Variants in RBFOX1 observed in about 807,000 individuals in gnomAD.
The protein encoded by RBFOX1 is RNA binding protein fox-1 homolog 1.
RBFOX1 carries 8 observed loss-of-function variants against 57.7 expected under a neutral mutation model. That is an observed-to-expected ratio of 0.14 (90% CI 0.08 to 0.25). The LOEUF is 0.25. Among genes scored for constraint, RBFOX1 ranks in the 10% least tolerant of loss-of-function variants. RBFOX1 has a pLI of 1.00. For synonymous variants in RBFOX1, 326 were observed against 222.4 expected (o/e 1.47, Z -4.15); for missense variants, 611 against 548.5 (o/e 1.11, Z -1.14).
At chr16:5,990,061 C>T (rs58426835) in intron 4 of RBFOX1, among the ~76,000 whole-genome samples, 1 of 152,114 alleles carries the variant, frequency 6.6e-6, no homozygotes, top group Non-Finnish European at 1.5e-5. Flanking sequence ...TCATGGTTCA[C>T]TGCAGCCTCA....
At chr16:6,471,942 TC>T (rs949916474) in intron 2 of RBFOX1, among the ~76,000 whole-genome samples, 6 of 152,036 alleles carry the variant, frequency 3.9e-5, no homozygotes, top group East Asian at 1.9e-4. Flanking sequence ...GGCAACAACT[TC>T]CCCCGTCTCT....
At chr16:6,078,280 G>A (rs1322885946) in intron 1 of RBFOX1, among the ~76,000 whole-genome samples, 2 of 152,152 alleles carry the variant, frequency 1.3e-5, no homozygotes, top group Non-Finnish European at 2.9e-5. Flanking sequence ...TGTTGGTTAA[G>A]AGCAAGCCTC....
intron 3 of RBFOX1, among the ~76,000 whole-genome samples, chr16:6,851,131 C>T (rs998168320): frequency 1.3e-5 from 2 of 152,120 alleles, no homozygotes; most frequent in Non-Finnish European, 2.9e-5. Context: ...GGAAAAAAAG[C>T]CCATTTCTAA....
chr16:7,533,559 C>A (rs11646608), intron 5 of RBFOX1, among the ~76,000 whole-genome samples: 6,200 of 152,286 alleles, frequency 0.041, 188 homozygotes, highest in East Asian at 0.12. Context: ...CTTAGCCTAG[C>A]ACAACTTAAA....
intron 3 of RBFOX1, among the ~76,000 whole-genome samples, chr16:5,856,412 C>T (rs1214736590): frequency 1.5e-5 from 2 of 136,254 alleles, no homozygotes; most frequent in Non-Finnish European, 3.1e-5. Context: ...TCAGAAATAT[C>T]AAGTATATAG....
At chr16:6,324,426 G>A (rs2082146595) in intron 2 of RBFOX1, among the ~76,000 whole-genome samples, 1 of 152,126 alleles carries the variant, frequency 6.6e-6, no homozygotes, top group Admixed American at 6.5e-5. Context: ...GTATGATGCT[G>A]GCATCTGCTC....
intron 2 of RBFOX1, among the ~76,000 whole-genome samples, chr16:6,584,499 C>T (rs1013653103): frequency 6.6e-6 from 1 of 151,800 alleles, no homozygotes; most frequent in Non-Finnish European, 1.5e-5. Context: ...TCCCAAGTTG[C>T]TGGGATTACT....
rs547567695 is a variant in RBFOX1 at position 6,066,966 on chromosome 16, C to T, written c.-127+46974C>T. Among the ~76,000 whole-genome samples the T allele has an allele frequency of 8.7e-4, 132 of 151,022 alleles. 1 individual carries two copies. Among genetic ancestry groups the T allele is most frequent in the African/African-American group, 3.1e-3 (126 of 41,126 alleles). ...AGCCTTGGTCTCCCAGAGTAGGGGG[C>T]GGGGGAGGGCGGCAGGGAGAAAGGG... On this transcript the variant is annotated intron_variant, in intron 1 of 15. Transcript: ENST00000550418.
Position 6,864,785 on chromosome 16 carries a change from T to A in RBFOX1, c.-15-187272T>A, listed in dbSNP as rs116052526. ...AAGTGTCTTTTTCCTCTAATGTGGG[T>A]TTAAAAACAATAAGGAGAGACATAT... is the stretch of plus-strand genomic sequence containing the variant. On this transcript the variant is annotated intron_variant, in intron 3 of 15. Coordinates refer to ENST00000550418, the MANE Select transcript of RBFOX1 (RefSeq NM_018723.4). Among the ~76,000 whole-genome samples, 885 of 152,110 alleles carry A rather than the reference T, an allele frequency of 5.8e-3. 14 individuals carry two copies. Among genetic ancestry groups the A allele is most frequent in the African/African-American group, 0.02 (837 of 41,514 alleles).
At chr16:7,065,811 A>G (rs1327276259) in intron 4 of RBFOX1, among the ~76,000 whole-genome samples, 1 of 152,144 alleles carries the variant, frequency 6.6e-6, no homozygotes, top group African/African-American at 2.4e-5. Flanking sequence ...TAAATCCTCC[A>G]GCCTCCAAGC....
chr16:7,331,484 A>G (rs966196275), intron 4 of RBFOX1, among the ~76,000 whole-genome samples: 3 of 152,220 alleles, frequency 2.0e-5, no homozygotes, highest in Non-Finnish European at 4.4e-5. Context: ...AGATTAGAAG[A>G]CTGACAATTT....
chr16:6,888,487 T>A (rs1465229679), intron 3 of RBFOX1, among the ~76,000 whole-genome samples: 4 of 152,210 alleles, frequency 2.6e-5, no homozygotes, highest in African/African-American at 9.7e-5. Context: ...AGGGGGAAAT[T>A]AAATTCCCTT....
At chr16:6,368,067 T>C (rs2089921909) in intron 2 of RBFOX1, among the ~76,000 whole-genome samples, 1 of 152,210 alleles carries the variant, frequency 6.6e-6, no homozygotes, top group Non-Finnish European at 1.5e-5. Flanking sequence ...TCACACAGGC[T>C]CTCTGAAGTT....
chr16:7,114,735 T>G (rs1199389544), intron 4 of RBFOX1, among the ~76,000 whole-genome samples: 1 of 152,208 alleles, frequency 6.6e-6, no homozygotes, highest in African/African-American at 2.4e-5. Context: ...AGAGTCCTGC[T>G]AGGTGCATGG....
chr16:5,891,854 G>A (rs778365277), intron 4 of RBFOX1, among the ~76,000 whole-genome samples: 5 of 152,282 alleles, frequency 3.3e-5, no homozygotes, highest in African/African-American at 1.2e-4. Flanking sequence ...CCTCCATCCT[G>A]TTCTGAGGGA....
At chr16:6,227,127 A>G (rs1387103578) in intron 1 of RBFOX1, among the ~76,000 whole-genome samples, 1 of 149,234 alleles carries the variant, frequency 6.7e-6, no homozygotes, top group African/African-American at 2.5e-5. Flanking sequence ...CTGTCTCAAG[A>G]AAAAAAAAAG....
At chr16:7,073,309 A>T (rs984792115) in intron 4 of RBFOX1, among the ~76,000 whole-genome samples, 3 of 152,218 alleles carry the variant, frequency 2.0e-5, no homozygotes, top group Admixed American at 6.5e-5. Flanking sequence ...AATGTCAGCC[A>T]ATCCCTTCCC....
intron 2 of RBFOX1, among the ~76,000 whole-genome samples, chr16:5,475,848 G>T (rs995424878): frequency 1.3e-5 from 2 of 152,042 alleles, no homozygotes; most frequent in African/African-American, 4.8e-5. Flanking sequence ...TATCCAGGCC[G>T]AAGTGCAAGT....
At chr16:7,698,714 C>A (rs550636917) in intron 14 of RBFOX1, among the ~76,000 whole-genome samples, 91 of 152,158 alleles carry the variant, frequency 6.0e-4, no homozygotes, top group African/African-American at 2.1e-3. Flanking sequence ...GCTAATTGGT[C>A]CATTTCCAAT....
Sources: allele counts gnomAD v4.1 joint callset (sites outside exome capture counted in the v4.1 genomes callset), GRCh38; gene constraint gnomAD v4.1.1; transcripts MANE v1.5; gene names NCBI Gene and HGNC (gene_info 2026-07-23, HGNC 2026-07-21).